Variants in MALRD1 observed in about 807,000 individuals in gnomAD.
The protein encoded by MALRD1 is MAM and LDL receptor class A domain containing 1, also known as MAM and LDL-receptor class A domain-containing protein 1.
A neutral mutation model predicts 242.1 loss-of-function variants in MALRD1; 247 were observed. The observed-to-expected ratio is 1.02, with a 90% CI of 0.92 to 1.13. The LOEUF (loss-of-function observed/expected upper bound fraction) is 1.13, where lower values mean the gene tolerates loss of function less well. Ranked by LOEUF, MALRD1 falls within the 50% of genes most tolerant of loss-of-function variation. The pLI is 0.00. For missense variants in MALRD1, 2,989 were observed against 2,533.1 expected (o/e 1.18, Z -3.86); for synonymous variants, 995 against 866.6 (o/e 1.15, Z -2.60).
chr10:19,325,519 G>T (rs1389069454), intron 22 of MALRD1, among the ~76,000 whole-genome samples: 7 of 151,800 alleles, frequency 4.6e-5, no homozygotes, highest in Non-Finnish European at 1.5e-5. Context: ...ATATGCCCTG[G>T]TGGAGAATAA....
intron 14 of MALRD1, among the ~76,000 whole-genome samples, chr10:19,198,005 G>C (rs367729453): frequency 1.1e-4 from 17 of 152,276 alleles, no homozygotes; most frequent in African/African-American, 4.1e-4. Flanking sequence ...ACTTGCTTAT[G>C]AATTTCCCAC....
intron 36 of MALRD1, among the ~76,000 whole-genome samples, chr10:19,637,331 T>C (rs1564505585): frequency 6.6e-6 from 1 of 152,180 alleles, no homozygotes; most frequent in Non-Finnish European, 1.5e-5. Context: ...TCCTACTTAT[T>C]TGATAAGACT....
intron 21 of MALRD1, among the ~76,000 whole-genome samples, chr10:19,321,627 GA>G (rs1032481696): frequency 2.0e-5 from 3 of 151,996 alleles, no homozygotes; most frequent in African/African-American, 7.2e-5. Flanking sequence ...CTTTTTGTTA[GA>G]AACATCTGAA....
rs572432749 is a variant in MALRD1 at position 19,237,385 on chromosome 10, C to T, written c.2992-20299C>T. Reference sequence around the variant, plus strand: ...GATTCCACATATGAGAGAGATCATGCGGTATTTGCTTTCTGTGTCTGGCTT... The same window carrying T: ...GATTCCACATATGAGAGAGATCATGTGGTATTTGCTTTCTGTGTCTGGCTT... On this transcript the variant is annotated intron_variant, in intron 18 of 39. Transcript: ENST00000454679. Among the ~76,000 whole-genome samples the T allele has an allele frequency of 6.4e-4, 96 of 149,588 alleles. 1 individual carries two copies. Among genetic ancestry groups the T allele is most frequent in the Middle Eastern group, 3.5e-3 (1 of 288 alleles).
chr10:19,387,440 TAA>T, intron 26 of MALRD1, 86 bp from the exon 27 acceptor site: 1 of 1,416,128 alleles, frequency 7.1e-7, no homozygotes, highest in Non-Finnish European at 9.4e-7. Context: ...CTTTATAGAT[TAA>T]AATGAATCCA....
At chr10:19,634,883 A>T (rs981781039) in intron 36 of MALRD1, among the ~76,000 whole-genome samples, 4 of 152,158 alleles carry the variant, frequency 2.6e-5, no homozygotes, top group African/African-American at 7.2e-5. Context: ...AATCAACAAA[A>T]AGTGCTTCCA....
intron 26 of MALRD1, among the ~76,000 whole-genome samples, chr10:19,376,571 G>A (rs1315522441): frequency 8.3e-4 from 23 of 27,822 alleles, no homozygotes; most frequent in African/African-American, 3.1e-3. Flanking sequence ...TTTTTTTTTT[G>A]TAAGAGGGAG....
At chr10:19,662,421 C>T (rs935520103) in intron 36 of MALRD1, among the ~76,000 whole-genome samples, 2 of 152,142 alleles carry the variant, frequency 1.3e-5, no homozygotes, top group African/African-American at 4.8e-5. Context: ...AAAGATAACT[C>T]ATTCTTTTAT....
At chr10:19,145,269 C>T (rs145715536) in intron 10 of MALRD1, among the ~76,000 whole-genome samples, 235 of 152,162 alleles carry the variant, frequency 1.5e-3, no homozygotes, top group Middle Eastern at 0.014. Context: ...GCTCCAAACC[C>T]CGACTTTCTC....
chr10:19,193,359 CA>C (rs1256637667), intron 14 of MALRD1, among the ~76,000 whole-genome samples: 1 of 152,016 alleles, frequency 6.6e-6, no homozygotes, highest in Non-Finnish European at 1.5e-5. Flanking sequence ...AGTTCCAGAC[CA>C]GTCTGGGCAA....
intron 31 of MALRD1, among the ~76,000 whole-genome samples, chr10:19,530,347 AAT>A (rs1491471599): frequency 8.0e-6 from 1 of 124,350 alleles, no homozygotes; most frequent in African/African-American, 3.2e-5. Flanking sequence ...TATTTATATA[AAT>A]ATATAATATT....
intron 21 of MALRD1, among the ~76,000 whole-genome samples, chr10:19,298,231 C>G (rs1841795830): frequency 6.6e-6 from 1 of 151,820 alleles, no homozygotes; most frequent in Admixed American, 6.6e-5. Flanking sequence ...TAACGACCCA[C>G]TAATCCCTTC....
chr10:19,272,069 A>G (rs1840275128), intron 19 of MALRD1, among the ~76,000 whole-genome samples: 1 of 152,134 alleles, frequency 6.6e-6, no homozygotes, highest in Non-Finnish European at 1.5e-5. Context: ...AGACTAATAG[A>G]TCAAAACTGG....
At chr10:19,725,690 A>G (rs1834989039) in intron 38 of MALRD1, among the ~76,000 whole-genome samples, 1 of 152,188 alleles carries the variant, frequency 6.6e-6, no homozygotes, top group South Asian at 2.1e-4. Context: ...ATTTACTACA[A>G]AAGTACAGTA....
intron 1 of MALRD1, among the ~76,000 whole-genome samples, chr10:19,060,450 G>A (rs2131223928): frequency 6.6e-6 from 1 of 151,858 alleles, no homozygotes; most frequent in Admixed American, 6.6e-5. Context: ...TCTCTCTCTG[G>A]TCCCTTCCCC....
chr10:19,647,236 A>T (rs944433393), intron 36 of MALRD1, among the ~76,000 whole-genome samples: 5 of 152,182 alleles, frequency 3.3e-5, no homozygotes, highest in South Asian at 2.1e-4. Context: ...TTTTATCTGC[A>T]TGTATCTTTA....
At chr10:19,276,713 G>C (rs1840543996) in intron 19 of MALRD1, among the ~76,000 whole-genome samples, 1 of 151,926 alleles carries the variant, frequency 6.6e-6, no homozygotes, top group Non-Finnish European at 1.5e-5. Flanking sequence ...GATTTCTATG[G>C]AAGGTAATAA....
chr10:19,165,934 A>C, intron 13 of MALRD1, 124 bp downstream of exon 13: 1 of 626,150 alleles, frequency 1.6e-6, no homozygotes, highest in Non-Finnish European at 2.3e-6. Flanking sequence ...AATTAATACA[A>C]TGCAACAGAA....
intron 34 of MALRD1, among the ~76,000 whole-genome samples, chr10:19,599,591 T>A (rs1288446491): frequency 6.6e-6 from 1 of 152,188 alleles, no homozygotes; most frequent in Non-Finnish European, 1.5e-5. Context: ...TCAGCTGTTG[T>A]GTCAGTCAAT....
Sources: allele counts gnomAD v4.1 joint callset (sites outside exome capture counted in the v4.1 genomes callset), GRCh38; gene constraint gnomAD v4.1.1; transcripts MANE v1.5; gene names NCBI Gene and HGNC (gene_info 2026-07-23, HGNC 2026-07-21).